The following LINGO2 variants were observed in gnomAD, a reference collection of about 807,000 sequenced individuals.
The protein encoded by LINGO2 is leucine rich repeat and Ig domain containing 2.
In LINGO2, 14 loss-of-function variants were observed where a neutral mutation model predicts 30.6. The ratio of observed to expected loss-of-function variants is 0.46; its 90% confidence interval spans 0.30 to 0.72. The LOEUF (loss-of-function observed/expected upper bound fraction) is 0.72. LINGO2 is among the 30% of genes least tolerant of loss of function. The probability of loss-of-function intolerance (pLI) is 0.07; values close to 1 mark genes in which losing one functional copy is unlikely to be tolerated. For synonymous variants in LINGO2, 317 were observed against 288.5 expected (o/e 1.10, Z -1.00); for missense variants, 729 against 751.7 (o/e 0.97, Z 0.35).
intron 4 of LINGO2, among the ~76,000 whole-genome samples, chr9:28,047,785 C>T (rs1360616189): frequency 2.1e-5 from 2 of 96,188 alleles, no homozygotes; most frequent in Non-Finnish European, 4.7e-5. Flanking sequence ...TTATACTGAA[C>T]AAGAAAAGAG....
At chr9:28,277,069 T>C (rs1251487400) in intron 4 of LINGO2, among the ~76,000 whole-genome samples, 1 of 152,206 alleles carries the variant, frequency 6.6e-6, no homozygotes, top group Non-Finnish European at 1.5e-5. Context: ...CTTTGCTTTG[T>C]TGCACTTTGT....
chr9:28,327,992 G>A (rs1436020596), intron 3 of LINGO2, among the ~76,000 whole-genome samples: 1 of 152,166 alleles, frequency 6.6e-6, no homozygotes, highest in Non-Finnish European at 1.5e-5. Context: ...GCAGCCAGGG[G>A]CCCAGACCCT....
intron 5 of LINGO2, among the ~76,000 whole-genome samples, chr9:27,955,096 T>C (rs1174222718): frequency 6.6e-6 from 1 of 152,166 alleles, no homozygotes; most frequent in Non-Finnish European, 1.5e-5. Flanking sequence ...TATTTTGACA[T>C]TCAAAAAGTC....
intron 4 of LINGO2, among the ~76,000 whole-genome samples, chr9:28,278,236 A>G (rs1823198708): frequency 1.3e-5 from 2 of 152,248 alleles, no homozygotes; most frequent in African/African-American, 2.4e-5. Context: ...CTATAACACA[A>G]AAGTGCAAGA....
intron 4 of LINGO2, among the ~76,000 whole-genome samples, chr9:28,099,279 T>C (rs1826339914): frequency 6.6e-6 from 1 of 152,176 alleles, no homozygotes; most frequent in Non-Finnish European, 1.5e-5. Flanking sequence ...AAGTGCCAAT[T>C]CACGGATTTG....
chr9:28,861,432 A>G, the LINGO2 span, among the ~76,000 whole-genome samples: 1 of 145,736 alleles, frequency 6.9e-6, no homozygotes, highest in Admixed American at 7.3e-5. Context: ...TCATTTAAAC[A>G]TATCTATTCT....
At chr9:28,121,253 C>T (rs1827089184) in intron 4 of LINGO2, among the ~76,000 whole-genome samples, 2 of 152,096 alleles carry the variant, frequency 1.3e-5, no homozygotes, top group Non-Finnish European at 2.9e-5. Flanking sequence ...TTACTAACGG[C>T]ACATGGATTC....
At chr9:27,966,616 T>C (rs567883850) in intron 5 of LINGO2, among the ~76,000 whole-genome samples, 25 of 152,208 alleles carry the variant, frequency 1.6e-4, no homozygotes, top group African/African-American at 5.5e-4. Context: ...AAATACCTAA[T>C]GCATGTGGGG....
At chr9:28,352,102 G>A (rs1389302908) in intron 3 of LINGO2, among the ~76,000 whole-genome samples, 1 of 149,862 alleles carries the variant, frequency 6.7e-6, no homozygotes, top group African/African-American at 2.4e-5. Flanking sequence ...AGACAGGGAT[G>A]CCCTCTCTCA....
intron 4 of LINGO2, among the ~76,000 whole-genome samples, chr9:28,172,332 A>G (rs968213311): frequency 6.7e-6 from 1 of 149,888 alleles, no homozygotes; most frequent in African/African-American, 2.4e-5. Context: ...CGGAGCTTGC[A>G]GTGAGCCGAG....
the LINGO2 span, among the ~76,000 whole-genome samples, chr9:28,732,395 C>A: frequency 2.0e-5 from 3 of 150,690 alleles, no homozygotes; most frequent in Admixed American, 1.3e-4. Flanking sequence ...TGAAAAGTAA[C>A]CACAATAAAA....
At chr9:29,204,851 T>C in the LINGO2 span, among the ~76,000 whole-genome samples, 1 of 152,222 alleles carries the variant, frequency 6.6e-6, no homozygotes, top group East Asian at 1.9e-4. Context: ...AAAGTGATGA[T>C]AGCATACATT....
chr9:28,525,791 C>G lies in LINGO2; in HGVS notation c.-364-49766G>C, dbSNP rs533722313. Among the ~76,000 whole-genome samples the G allele has an allele frequency of 6.6e-5, 10 of 152,240 alleles. No individual in the cohort carries two copies. The South Asian group carries it at 2.1e-3, about 32-fold the overall frequency. ...CATTGAAGGGCCGGGCGCAGTGGCT[C>G]ACGCCTGTAATCTCAGCACTTTGGG... On this transcript the variant is annotated intron_variant, in intron 1 of 5. Coordinates refer to ENST00000379992, the Ensembl canonical transcript of LINGO2.
chr9:29,091,105 T>C, the LINGO2 span, among the ~76,000 whole-genome samples: 9 of 152,200 alleles, frequency 5.9e-5, no homozygotes, highest in Non-Finnish European at 1.3e-4. Flanking sequence ...CTTGTTGACA[T>C]TCATGATATT....
At chr9:28,753,841 G>C in the LINGO2 span, among the ~76,000 whole-genome samples, 1 of 151,866 alleles carries the variant, frequency 6.6e-6, no homozygotes, top group Non-Finnish European at 1.5e-5. Context: ...GTGTCATCTG[G>C]GTTAAAAGAA....
At chr9:29,026,075 C>T in the LINGO2 span, among the ~76,000 whole-genome samples, 1 of 151,572 alleles carries the variant, frequency 6.6e-6, no homozygotes, top group African/African-American at 2.4e-5. Flanking sequence ...GATTTGTCTC[C>T]CAGTCTGGAG....
At chr9:29,016,566 G>C in the LINGO2 span, among the ~76,000 whole-genome samples, 7 of 152,192 alleles carry the variant, frequency 4.6e-5, no homozygotes, top group East Asian at 1.4e-3. Flanking sequence ...GCCAGCAAAA[G>C]AGAAAATAAA....
At chr9:28,632,856 T>TATA (rs1259571755) in intron 1 of LINGO2, among the ~76,000 whole-genome samples, 5 of 93,674 alleles carry the variant, frequency 5.3e-5, no homozygotes, top group Non-Finnish European at 7.9e-5. Context: ...TATATATTTT[T>TATA]TATATATATA....
the LINGO2 span, among the ~76,000 whole-genome samples, chr9:28,988,010 G>A: frequency 3.3e-5 from 5 of 152,272 alleles, no homozygotes; most frequent in African/African-American, 1.2e-4. Flanking sequence ...TTCTGTTGCT[G>A]TTGGATGAAC....
Sources: gnomAD v4.1 joint callset for allele counts (sites outside exome capture counted in the v4.1 genomes callset) on GRCh38, gnomAD v4.1.1 for gene constraint, MANE v1.5 for transcripts, NCBI Gene and HGNC (gene_info 2026-07-23, HGNC 2026-07-21) for gene names.